CPM: variants seen among roughly 807,000 people sequenced by gnomAD.
CPM encodes renal carboxypeptidase.
A neutral mutation model predicts 46.4 loss-of-function variants in CPM; 35 were observed. The ratio of observed to expected loss-of-function variants is 0.75; its 90% CI spans 0.58 to 1.00. The LOEUF is 1.00. Ranked by LOEUF, CPM falls within the 50% of genes least tolerant of loss-of-function variation. The pLI, the probability that CPM is intolerant of heterozygous loss-of-function variation, is 0.00. For synonymous variants in CPM, 195 were observed against 195.3 expected (o/e 1.00, Z 0.01); for missense variants, 422 against 530.4 (o/e 0.80, Z 2.01).
intron 2 of CPM, among the ~76,000 whole-genome samples, chr12:68,913,243 C>T (rs535202845): frequency 1.3e-5 from 2 of 152,172 alleles, no homozygotes; most frequent in Non-Finnish European, 2.9e-5. Flanking sequence ...CTGTCCCCTA[C>T]CCTCTCATTC....
At chr12:68,934,717 A>T (rs541425192), upstream of CPM, among the ~76,000 whole-genome samples, 4 of 152,136 alleles carry the variant, frequency 2.6e-5, no homozygotes, top group South Asian at 8.3e-4. Context: ...TTGCTCTGAC[A>T]CTCAGTGGCT....
chr12:68,867,014 C>G lies in CPM; in HGVS notation c.822G>C (p.Gln274His). 1 of 1,614,168 alleles carries G rather than the reference C, an allele frequency of 6.2e-7. No homozygotes were observed. Among genetic ancestry groups the G allele is most frequent in the Non-Finnish European group, 8.5e-7 (1 of 1,180,016 alleles). The stretch of plus-strand genomic sequence containing the variant: ...ACAGCTCCAACGTAATTTCAAAACA[C>G]TGGGCCCAGATGTAGTTGTAATCTT... ...GMQDYNYIWA[Q>H]CFEITLELSC... The change falls in exon 7 of 9, where the codon CAG becomes CAC. Residue 274 changes from glutamine (Q) to histidine (H), a missense_variant. Physicochemically the swap from Gln to His is conservative, Grantham distance 24. Coordinates refer to ENST00000551568, the MANE Select transcript of CPM (RefSeq NM_198320.5).
intron 2 of CPM, among the ~76,000 whole-genome samples, chr12:68,916,066 C>T (rs898472040): frequency 5.9e-5 from 9 of 152,132 alleles, no homozygotes; most frequent in East Asian, 1.9e-4. Flanking sequence ...GACCAGGTTA[C>T]GTTCCCTCTC....
At chr12:68,881,240 T>C (rs1178323184) in intron 3 of CPM, among the ~76,000 whole-genome samples, 1 of 152,190 alleles carries the variant, frequency 6.6e-6, no homozygotes, top group Middle Eastern at 3.2e-3. Context: ...CAGTTTGAAG[T>C]AAAGTCAGGG....
chr12:68,949,173 C>G (rs938339463), intron 1 of CPM, among the ~76,000 whole-genome samples: 5 of 152,132 alleles, frequency 3.3e-5, no homozygotes, highest in African/African-American at 7.2e-5. Context: ...AAGTTCAATA[C>G]CAGCCTAGCC....
chr12:68,935,050 C>T (rs1212543968), upstream of CPM, among the ~76,000 whole-genome samples: 1 of 152,090 alleles, frequency 6.6e-6, no homozygotes, highest in African/African-American at 2.4e-5. Context: ...GCTCGGATTA[C>T]AGGCACCTGC....
chr12:68,908,429 T>A (rs1391117213), intron 2 of CPM, among the ~76,000 whole-genome samples: 59 of 151,744 alleles, frequency 3.9e-4, no homozygotes, highest in Non-Finnish European at 7.9e-4. Flanking sequence ...CTTTCTCTTT[T>A]CTCTGGAGGT....
At chr12:68,867,494 T>A (rs1045623500) in intron 6 of CPM, among the ~76,000 whole-genome samples, 2 of 152,248 alleles carry the variant, frequency 1.3e-5, no homozygotes, top group Non-Finnish European at 2.9e-5. Flanking sequence ...GGGGGAATCA[T>A]GGGCCAACAT....
chr12:68,932,904 C>T (rs1888572899), intron 1 of CPM, 64 bp from the exon 2 acceptor site: 1 of 1,495,606 alleles, frequency 6.7e-7, no homozygotes, highest in Admixed American at 1.7e-5. Flanking sequence ...GCATCACCAG[C>T]TACGTCTCGG....
chr12:68,850,758 C>G (rs994086357), downstream of CPM: 2 of 152,068 alleles, frequency 1.3e-5, no homozygotes, highest in Admixed American at 1.3e-4. Flanking sequence ...AGGGATGGTA[C>G]GAGGCTGTAT....
intron 1 of CPM, among the ~76,000 whole-genome samples, chr12:68,956,042 C>T (rs1453645627): frequency 6.6e-6 from 1 of 152,172 alleles, no homozygotes; most frequent in Non-Finnish European, 1.5e-5. Flanking sequence ...CCACGGCACC[C>T]ACAGTGCCCA....
At chr12:68,956,542 T>C (rs1274573870) in intron 1 of CPM, among the ~76,000 whole-genome samples, 2 of 152,236 alleles carry the variant, frequency 1.3e-5, no homozygotes, top group Non-Finnish European at 2.9e-5. Context: ...AACCTAGGTC[T>C]GTCTGACTCC....
rs546930889 is a variant in CPM, at chr12:68,905,481, A to C, written c.161-19592T>G. ...CTTTTTGTAAAGACAGGGTCTTGCTATGTTGCCCAGGCTGGTCTTGAACTC... is the reference window on the plus strand; with the variant it reads ...CTTTTTGTAAAGACAGGGTCTTGCTCTGTTGCCCAGGCTGGTCTTGAACTC... On this transcript the variant is annotated intron_variant, in intron 2 of 8. Coordinates refer to ENST00000551568, the MANE Select transcript of CPM (RefSeq NM_198320.5). Among the ~76,000 whole-genome samples the C allele has an allele frequency of 1.1e-4, 16 of 151,758 alleles. 1 individual carries two copies. The East Asian group carries it at 3.1e-3, about 30-fold the overall frequency.
At chr12:68,847,523 G>A (rs1360874860), downstream of CPM, 4 of 131,900 alleles carry the variant, frequency 3.0e-5, no homozygotes, top group Non-Finnish European at 4.6e-5. Context: ...GCGCAATCTC[G>A]GCTCACTGCA....
intron 7 of CPM, among the ~76,000 whole-genome samples, chr12:68,863,764 A>G (rs927806417): frequency 8.5e-5 from 13 of 152,334 alleles, no homozygotes; most frequent in Admixed American, 1.3e-4. Context: ...AAGGTGGCTC[A>G]GAGACTTCCA....
intron 2 of CPM, among the ~76,000 whole-genome samples, chr12:68,906,155 T>C (rs981949096): frequency 6.6e-6 from 1 of 152,182 alleles, no homozygotes; most frequent in Admixed American, 6.5e-5. Flanking sequence ...TAGAGTCCTA[T>C]TGATGCCCAG....
chr12:68,940,320 C>G (rs761505821), intron 1 of CPM, among the ~76,000 whole-genome samples: 7 of 151,798 alleles, frequency 4.6e-5, no homozygotes, highest in Admixed American at 6.6e-5. Context: ...TTAACTAAAT[C>G]TATAGTTTAT....
chr12:68,871,789 G>A lies in CPM; in HGVS notation c.426C>T (p.Ile142=), dbSNP rs563850545. 8.7e-6 allele frequency: 14 copies of A among 1,614,046 alleles called. No individual in the cohort carries two copies. Among genetic ancestry groups the A allele is most frequent in the Middle Eastern group, 1.7e-4 (1 of 6,060 alleles). Residue 142 remains isoleucine (I), a synonymous_variant, in exon 4 of 9, where the codon ATC becomes ATT. Transcript: ENST00000551568. The part of the protein sequence containing the change: ...AVKKPDCYYS[I]GRENYNQYDL... ...ATAGACCAGCCCCTCTTTACCTTCC[G>A]ATGCTGTAATAACAGTCAGGCTTTT...
At chr12:68,952,224 T>C (rs1051221569) in intron 1 of CPM, among the ~76,000 whole-genome samples, 9 of 152,242 alleles carry the variant, frequency 5.9e-5, no homozygotes, top group Non-Finnish European at 8.8e-5. Context: ...CAAATATGTT[T>C]TGGGTTTTTG....
Sources: gnomAD v4.1 joint callset for allele counts (sites outside exome capture counted in the v4.1 genomes callset) on GRCh38, gnomAD v4.1.1 for gene constraint, MANE v1.5 for transcripts, NCBI Gene and HGNC (gene_info 2026-07-23, HGNC 2026-07-21) for gene names.